Variants in JAK1 observed in about 807,000 individuals in gnomAD.
JAK1 encodes tyrosine-protein kinase JAK1.
JAK1 carries 16 observed loss-of-function variants against 136.6 expected under a neutral mutation model. That is an observed-to-expected ratio of 0.12 (90% CI 0.08 to 0.18). The LOEUF (loss-of-function observed/expected upper bound fraction) is 0.18. Among genes scored for constraint, JAK1 ranks in the 10% least tolerant of loss-of-function variants. The pLI is 1.00. For synonymous variants in JAK1, 492 were observed against 519.5 expected, an observed-to-expected ratio of 0.95 and a Z score of 0.72; for missense variants, 859 against 1,450.1, an observed-to-expected ratio of 0.59 and a Z score of 6.62.
intron 1 of JAK1, among the ~76,000 whole-genome samples, chr1:64,929,071 T>G (rs1367180789): frequency 6.6e-6 from 1 of 152,240 alleles, no homozygotes; most frequent in Non-Finnish European, 1.5e-5. Flanking sequence ...TGTACTTGTC[T>G]GGTGCCTTAA....
At chr1:64,871,366 T>C (rs1657062856) in intron 5 of JAK1, among the ~76,000 whole-genome samples, 1 of 152,208 alleles carries the variant, frequency 6.6e-6, no homozygotes, top group South Asian at 2.1e-4. Flanking sequence ...ACGTATGCAG[T>C]TGTTCACAAC....
intron 1 of JAK1, among the ~76,000 whole-genome samples, chr1:64,937,660 G>A (rs1051690749): frequency 2.0e-5 from 3 of 151,904 alleles, no homozygotes; most frequent in Admixed American, 6.6e-5. Flanking sequence ...AGACTTAGTC[G>A]ATCATAGAAT....
At chr1:65,009,210 T>G (rs1182730620) in intron 2 of JAK1, among the ~76,000 whole-genome samples, 1 of 152,118 alleles carries the variant, frequency 6.6e-6, no homozygotes, top group African/African-American at 2.4e-5. Context: ...ATCACTAAGA[T>G]GAAAAGATCT....
intron 2 of JAK1, chr1:64,972,095 T>C (rs978122579): frequency 2.0e-5 from 3 of 152,214 alleles, no homozygotes; most frequent in South Asian, 4.1e-4. Context: ...TTATTACAAA[T>C]TGACAGAAGA....
chr1:64,869,280 A>T (rs1656920069), intron 6 of JAK1, 31 bp downstream of exon 6: 2 of 1,603,858 alleles, frequency 1.2e-6, no homozygotes, highest in African/African-American at 2.7e-5. Context: ...CCATCCTCAC[A>T]ATCAATTCTT....
intron 19 of JAK1, among the ~76,000 whole-genome samples, chr1:64,840,253 G>A (rs147333776): frequency 2.6e-5 from 4 of 152,258 alleles, no homozygotes; most frequent in African/African-American, 4.8e-5. Flanking sequence ...CCCCAAATCG[G>A]AGCTGGCTCC....
At chr1:64,840,625 C>CT (rs1323332793) in intron 19 of JAK1, among the ~76,000 whole-genome samples, 1 of 152,096 alleles carries the variant, frequency 6.6e-6, no homozygotes, top group Non-Finnish European at 1.5e-5. Context: ...GGCCAGGAGT[C>CT]TGAGAGCAGC....
intron 20 of JAK1, 66 bp from the exon 21 acceptor site, chr1:64,838,655 C>T (rs1197960477): frequency 1.3e-6 from 2 of 1,565,844 alleles, no homozygotes; most frequent in African/African-American, 1.4e-5. Flanking sequence ...GAGGCAAGGG[C>T]ACAGGATATG....
In JAK1 at chr1:64,928,785, A is replaced by AAAAACAAAAC. The variant is rs1645629733; in HGVS notation, c.-78+37547_-78+37548insGTTTTGTTTT. On this transcript the variant is annotated intron_variant, in intron 1 of 24. Transcript: ENST00000342505. Reference sequence around the variant, plus strand: ...GAGTGCTATAAAACTCTGCAAAAAAAAAAAAAAAAAACAAAAAAAAAAAAC... The same window carrying AAAAACAAAAC: ...GAGTGCTATAAAACTCTGCAAAAAAAAAAACAAAACAAAAAAAAAAACAAAAAAAAAAAAC... 2.5e-5 allele frequency among the ~76,000 whole-genome samples: 3 copies of AAAAACAAAAC among 121,004 alleles called. No homozygotes were observed. In the East Asian group the frequency reaches 1.2e-3, roughly 49 times the overall value. 79.4% of individuals were successfully genotyped at this position (121,004 alleles called of 152,430 possible).
intron 2 of JAK1, among the ~76,000 whole-genome samples, chr1:64,981,290 C>A (rs891543830): frequency 4.6e-5 from 7 of 152,228 alleles, no homozygotes; most frequent in African/African-American, 1.7e-4. Flanking sequence ...TTGCCTACAT[C>A]ATTCCTTGGA....
intron 1 of JAK1, among the ~76,000 whole-genome samples, chr1:64,902,055 TCAC>T (rs1645113424): frequency 6.6e-6 from 1 of 152,178 alleles, no homozygotes; most frequent in Non-Finnish European, 1.5e-5. Context: ...ATCTTAAAAA[TCAC>T]CATAAGAAGC....
At chr1:65,000,863 T>TG (rs558668820) in intron 2 of JAK1, among the ~76,000 whole-genome samples, 20 of 150,976 alleles carry the variant, frequency 1.3e-4, no homozygotes, top group Admixed American at 3.3e-4. Context: ...TTTTTTTTGG[T>TG]GGGGGGGCGG....
At chr1:64,999,384 C>T (rs573197003) in intron 2 of JAK1, among the ~76,000 whole-genome samples, 2 of 152,266 alleles carry the variant, frequency 1.3e-5, no homozygotes, top group South Asian at 4.1e-4. Flanking sequence ...CTCTCTTTGC[C>T]TTTCTCATCC....
At chr1:64,908,394 C>T (rs537388208) in intron 1 of JAK1, among the ~76,000 whole-genome samples, 79 of 152,246 alleles carry the variant, frequency 5.2e-4, no homozygotes, top group Non-Finnish European at 7.2e-4. Flanking sequence ...TGTGCCATTC[C>T]TTTTTACATA....
chr1:65,035,590 C>T (rs147771264), intron 2 of JAK1, among the ~76,000 whole-genome samples: 387 of 152,266 alleles, frequency 2.5e-3, no homozygotes, highest in Middle Eastern at 6.8e-3. Flanking sequence ...TTCCTTGAGA[C>T]GTCTGCATAA....
At chr1:64,911,239 G>A (rs1160444163) in intron 1 of JAK1, among the ~76,000 whole-genome samples, 1 of 152,138 alleles carries the variant, frequency 6.6e-6, no homozygotes, top group African/African-American at 2.4e-5. Flanking sequence ...TTCCTACTTC[G>A]AAAGATTAAT....
intron 1 of JAK1, among the ~76,000 whole-genome samples, chr1:65,056,622 A>G (rs1647551211): frequency 6.6e-6 from 1 of 152,190 alleles, no homozygotes; most frequent in African/African-American, 2.4e-5. Flanking sequence ...GGTTCACAGT[A>G]TGTTAAAAAG....
intron 1 of JAK1, among the ~76,000 whole-genome samples, chr1:64,917,054 G>A (rs1401759219): frequency 6.6e-6 from 1 of 152,092 alleles, no homozygotes; most frequent in Non-Finnish European, 1.5e-5. Context: ...GGTTGGAAAG[G>A]CCCATCAAAA....
intron 1 of JAK1, among the ~76,000 whole-genome samples, chr1:64,920,522 C>T (rs1395748221): frequency 7.3e-5 from 11 of 151,662 alleles, no homozygotes; most frequent in East Asian, 3.8e-4. Context: ...CCTGCCTGGG[C>T]GACACAGCAA....
Sources: gnomAD v4.1 joint callset for allele counts (sites outside exome capture counted in the v4.1 genomes callset) on GRCh38, gnomAD v4.1.1 for gene constraint, MANE v1.5 for transcripts, NCBI Gene and HGNC (gene_info 2026-07-23, HGNC 2026-07-21) for gene names.